Variants in SH3GL2 observed in about 807,000 individuals in gnomAD.
SH3GL2 encodes the protein SH3 domain containing GRB2 like 2, endophilin A1, also known as endophilin-A1.
Under a neutral mutation model 46.0 loss-of-function variants are expected in SH3GL2, and 24 were observed. That is an observed-to-expected ratio of 0.52 (90% CI 0.38 to 0.73). The LOEUF is 0.73. Ranked by LOEUF, SH3GL2 falls within the 30% of genes least tolerant of loss-of-function variation. The pLI, the probability that SH3GL2 is intolerant of heterozygous loss-of-function variation, is 0.00. For missense variants in SH3GL2, 413 were observed against 424.2 expected (o/e 0.97, Z 0.23); for synonymous variants, 196 against 147.1 (o/e 1.33, Z -2.40).
chr9:17,626,550 AAAACAATGGCAGTCTAGTGCAGTTACTTT>A (rs1396916254), intron 1 of SH3GL2, among the ~76,000 whole-genome samples: 1 of 152,246 alleles, frequency 6.6e-6, no homozygotes, highest in Non-Finnish European at 1.5e-5. Context: ...TTTAAAGAGT[AAAACAATGGCAGTCTAGTGCAGTTACTTT>A]AAGACATATC....
At chr9:17,765,923 C>T (rs550427186) in intron 3 of SH3GL2, among the ~76,000 whole-genome samples, 58 of 152,352 alleles carry the variant, frequency 3.8e-4, no homozygotes, top group African/African-American at 1.3e-3. Context: ...AGTTGACTGT[C>T]AGTGTCTAAT....
At chr9:17,624,716 A>G (rs1057441067) in intron 1 of SH3GL2, among the ~76,000 whole-genome samples, 11 of 152,170 alleles carry the variant, frequency 7.2e-5, no homozygotes, top group Non-Finnish European at 1.5e-4. Flanking sequence ...CTGGCATAAC[A>G]ATGTGATCAG....
At chr9:17,580,304 A>G (rs544731241) in intron 1 of SH3GL2, among the ~76,000 whole-genome samples, 2 of 152,276 alleles carry the variant, frequency 1.3e-5, no homozygotes, top group African/African-American at 4.8e-5. Flanking sequence ...GCCTTAATTA[A>G]CGAGCTTTCT....
chr9:17,610,129 C>G (rs1168627049), intron 1 of SH3GL2, among the ~76,000 whole-genome samples: 2 of 152,194 alleles, frequency 1.3e-5, no homozygotes, highest in African/African-American at 2.4e-5. Flanking sequence ...TCTAGCTGTG[C>G]AACTGTGGGC....
rs560563075 is a variant in SH3GL2, at chr9:17,593,690, A to G, written c.45+14403A>G. ...GGGGTATTTAATTATATTTTAGAAA[A>G]AGGAAGGTCATTTGTTTAGAGCAGC... On this transcript the variant is annotated intron_variant, in intron 1 of 8. Transcript: ENST00000380607. 2.0e-5 allele frequency among the ~76,000 whole-genome samples: 3 copies of G among 152,116 alleles called. No homozygotes were observed. The South Asian group carries it at 6.2e-4, about 32-fold the overall frequency.
At chr9:17,614,295 G>A (rs75413687) in intron 1 of SH3GL2, among the ~76,000 whole-genome samples, 20 of 70,288 alleles carry the variant, frequency 2.8e-4, no homozygotes, top group African/African-American at 6.3e-4. Context: ...CATGGTTTCT[G>A]AAAAAAAAAA....
chr9:17,594,905 A>T (rs970702871), intron 1 of SH3GL2, among the ~76,000 whole-genome samples: 3 of 152,170 alleles, frequency 2.0e-5, no homozygotes, highest in African/African-American at 7.2e-5. Flanking sequence ...TATATTTTTG[A>T]TGTATTCATT....
chr9:17,686,011 C>T (rs996715729), intron 1 of SH3GL2, among the ~76,000 whole-genome samples: 1 of 141,486 alleles, frequency 7.1e-6, no homozygotes, highest in Non-Finnish European at 1.5e-5. Context: ...AGGCAACCTA[C>T]AAAATGGGAG....
At chr9:17,677,649 C>G (rs1490581335) in intron 1 of SH3GL2, among the ~76,000 whole-genome samples, 1 of 148,430 alleles carries the variant, frequency 6.7e-6, no homozygotes, top group East Asian at 1.9e-4. Context: ...TATATTTATA[C>G]TTTAAGTTTT....
intron 1 of SH3GL2, among the ~76,000 whole-genome samples, chr9:17,597,464 C>G (rs1818595594): frequency 1.3e-5 from 2 of 151,834 alleles, no homozygotes; most frequent in Non-Finnish European, 1.5e-5. Context: ...TTGCAGTGAG[C>G]CAAGATCATG....
intron 1 of SH3GL2, among the ~76,000 whole-genome samples, chr9:17,631,122 A>G (rs1005137076): frequency 6.6e-6 from 1 of 152,216 alleles, no homozygotes; most frequent in Admixed American, 6.5e-5. Flanking sequence ...TGGTGATGCT[A>G]TAGAGGAAAA....
chr9:17,613,633 T>C (rs1419307417), intron 1 of SH3GL2, among the ~76,000 whole-genome samples: 2 of 152,190 alleles, frequency 1.3e-5, no homozygotes, highest in East Asian at 1.9e-4. Flanking sequence ...GAAGACCTTG[T>C]GTGGAATGCC....
chr9:17,615,022 G>A (rs1588174438), intron 1 of SH3GL2, among the ~76,000 whole-genome samples: 1 of 152,162 alleles, frequency 6.6e-6, no homozygotes, highest in East Asian at 1.9e-4. Context: ...GAGTGAGCAT[G>A]TCCTCTCTGC....
rs201380007 is a variant in SH3GL2, at chr9:17,649,864, CAAAG to C, written c.45+70581_45+70584del. Among the ~76,000 whole-genome samples, 852 of 152,046 alleles carry C rather than the reference CAAAG, an allele frequency of 5.6e-3. 2 individuals carry two copies. The highest frequency in any genetic ancestry group is 7.4e-3 in the Non-Finnish European group (503 of 67,952). On this transcript the variant is annotated intron_variant, in intron 1 of 8. Transcript: ENST00000380607. ...TATACACCTGTTGTAACAGAAGTGA[CAAAG>C]AAAAATCACAGTTCAGAGATTTGAC...
intron 2 of SH3GL2, among the ~76,000 whole-genome samples, chr9:17,756,301 G>A (rs1294090595): frequency 5.3e-5 from 8 of 151,894 alleles, no homozygotes; most frequent in Non-Finnish European, 7.4e-5. Context: ...TATATTTACA[G>A]TTTCACTTTC....
rs1563833947 is a variant in SH3GL2 at position 17,738,666 on chromosome 9, A to AGG, written c.46-8399_46-8398insGG. On this transcript the variant is annotated intron_variant, in intron 1 of 8. Coordinates refer to ENST00000380607, the MANE Select transcript of SH3GL2 (RefSeq NM_003026.5). Reference sequence around the variant, plus strand: ...TAGAGAGAGAGAGAGAGAGAGAGAGAGAGAGAGATAATTTTATTTCAAGGA... The same window carrying AGG: ...TAGAGAGAGAGAGAGAGAGAGAGAGAGGGAGAGAGATAATTTTATTTCAAGGA... Among the ~76,000 whole-genome samples, 28 of 148,952 alleles carry AGG rather than the reference A, an allele frequency of 1.9e-4. 1 individual carries two copies. The East Asian group carries it at 3.2e-3, about 17-fold the overall frequency.
intron 1 of SH3GL2, among the ~76,000 whole-genome samples, chr9:17,620,218 G>C (rs1819105579): frequency 6.6e-6 from 1 of 152,160 alleles, no homozygotes; most frequent in Non-Finnish European, 1.5e-5. Flanking sequence ...ACTCTGACCT[G>C]AATCTTACTG....
chr9:17,744,914 A>G (rs1179383616), intron 1 of SH3GL2, among the ~76,000 whole-genome samples: 2 of 152,140 alleles, frequency 1.3e-5, no homozygotes, highest in Non-Finnish European at 2.9e-5. Context: ...AAGGATTAAG[A>G]GTTAAGGCAG....
At chr9:17,709,631 A>T (rs1301636809) in intron 1 of SH3GL2, among the ~76,000 whole-genome samples, 2 of 147,852 alleles carry the variant, frequency 1.4e-5, no homozygotes, top group East Asian at 3.9e-4. Flanking sequence ...CATTATATTA[A>T]CATAAATATT....
Sources: allele counts gnomAD v4.1 joint callset (sites outside exome capture counted in the v4.1 genomes callset), GRCh38; gene constraint gnomAD v4.1.1; transcripts MANE v1.5; gene names NCBI Gene and HGNC (gene_info 2026-07-23, HGNC 2026-07-21).